ANTXRL: variants seen among roughly 807,000 people sequenced by gnomAD.
ANTXRL encodes ANTXR like, also known as anthrax toxin receptor-like.
ANTXRL carries 63 observed loss-of-function variants against 75.4 expected under a neutral mutation model. The ratio of observed to expected loss-of-function variants is 0.84; its 90% CI spans 0.68 to 1.03. The LOEUF is 1.03. Ranked by LOEUF, ANTXRL falls within the 50% of genes least tolerant of loss-of-function variation. ANTXRL has a pLI of 0.00. For synonymous variants in ANTXRL, 335 were observed against 291.3 expected (o/e 1.15, Z -1.53); for missense variants, 797 against 789.4 (o/e 1.01, Z -0.12).
At chr10:46,315,828 T>C (rs1257602221) in intron 16 of ANTXRL, among the ~76,000 whole-genome samples, 4 of 152,204 alleles carry the variant, frequency 2.6e-5, no homozygotes, top group African/African-American at 9.7e-5. Context: ...CAAGGCTCAG[T>C]TTACCAAAAA....
chr10:46,301,788 A>T (rs1270030107), intron 9 of ANTXRL, among the ~76,000 whole-genome samples: 6 of 152,224 alleles, frequency 3.9e-5, no homozygotes, highest in African/African-American at 1.4e-4. Context: ...AAAGGCAGGA[A>T]GCAGGGTTCA....
intron 16 of ANTXRL, among the ~76,000 whole-genome samples, chr10:46,321,331 G>T (rs2132892740): frequency 6.6e-6 from 1 of 152,298 alleles, no homozygotes; most frequent in East Asian, 1.9e-4. Flanking sequence ...TGATGTCAGA[G>T]AAATCTTAAT....
In ANTXRL at chr10:46,292,050, T is replaced by A; in HGVS notation, c.249-8T>A. ...CATCTCCCTGACCCACATCTCCTTT[T>A]GTTTTAGGTCTGGCAGCGTGAACAA... On this transcript the variant is annotated splice_region_variant and splice_polypyrimidine_tract_variant and intron_variant, in intron 1 of 16. Coordinates refer to ENST00000620264, the MANE Select transcript of ANTXRL (RefSeq NM_001278688.3). 1 of 1,536,074 alleles carries A rather than the reference T, an allele frequency of 6.5e-7. No individual in the cohort carries two copies. The highest frequency in any genetic ancestry group is 8.7e-7 in the Non-Finnish European group (1 of 1,146,670).
At chr10:46,290,045 C>CTTTTTTTTTTTT (rs34276033) in intron 1 of ANTXRL, among the ~76,000 whole-genome samples, 2 of 119,652 alleles carry the variant, frequency 1.7e-5, no homozygotes, top group African/African-American at 3.2e-5. Flanking sequence ...TTTTCTTTAT[C>CTTTTTTTTTTTT]TTTTTTTTTT....
chr10:46,322,282 C>A (rs1588868169), intron 16 of ANTXRL, among the ~76,000 whole-genome samples: 1 of 151,926 alleles, frequency 6.6e-6, no homozygotes, highest in African/African-American at 2.4e-5. Context: ...TATGGTGAAA[C>A]CCCATCTCCA....
chr10:46,312,074 G>GA (rs199728034), intron 15 of ANTXRL, among the ~76,000 whole-genome samples: 3,026 of 144,170 alleles, frequency 0.021, 337 homozygotes, highest in African/African-American at 0.071. Context: ...ATGCAGATCA[G>GA]AAAAAAAAAT....
At chr10:46,310,320 A>G in intron 13 of ANTXRL, 141 bp from the exon 14 acceptor site, 1 of 792,004 alleles carries the variant, frequency 1.3e-6, no homozygotes, top group Non-Finnish European at 2.1e-6. Context: ...ACAAGTTCAC[A>G]GGCTCAGGGT....
chr10:46,311,454 GGCCAGCACTGTGCCCT>G (rs1332273143), intron 14 of ANTXRL, 40 bp from the exon 15 acceptor site: 8 of 1,481,714 alleles, frequency 5.4e-6, no homozygotes, highest in Admixed American at 4.4e-5. Context: ...ATCTGGGAGT[GGCCAGCACTGTGCCCT>G]GCCAGCACTG....
chr10:46,298,351 G>T (rs1247238567), intron 9 of ANTXRL, among the ~76,000 whole-genome samples: 1 of 151,718 alleles, frequency 6.6e-6, no homozygotes, highest in Non-Finnish European at 1.5e-5. Context: ...GTGGAAATGT[G>T]TGTGAGATTG....
At chr10:46,287,653 T>G in intron 1 of ANTXRL, 143 bp downstream of exon 1, 1 of 1,135,412 alleles carries the variant, frequency 8.8e-7, no homozygotes, top group Non-Finnish European at 1.2e-6. Context: ...GACCTAGGCC[T>G]CCTGTTTTTC....
intron 16 of ANTXRL, among the ~76,000 whole-genome samples, chr10:46,328,279 T>C (rs1287690878): frequency 3.3e-5 from 5 of 152,148 alleles, no homozygotes; most frequent in Non-Finnish European, 7.3e-5. Flanking sequence ...GGACAGCCTA[T>C]ACAAATTGAG....
chr10:46,288,606 G>T (rs1389787689), intron 1 of ANTXRL, among the ~76,000 whole-genome samples: 1 of 152,146 alleles, frequency 6.6e-6, no homozygotes, highest in Admixed American at 6.5e-5. Flanking sequence ...TAGCCACATA[G>T]TCTTGGGCAA....
intron 16 of ANTXRL, among the ~76,000 whole-genome samples, chr10:46,322,803 A>T (rs1296369424): frequency 6.6e-6 from 1 of 152,208 alleles, no homozygotes; most frequent in East Asian, 1.9e-4. Flanking sequence ...TGAGTAGGTC[A>T]TCATGAGAGA....
intron 16 of ANTXRL, among the ~76,000 whole-genome samples, chr10:46,314,759 G>C (rs1278957440): frequency 2.0e-5 from 3 of 152,116 alleles, no homozygotes; most frequent in African/African-American, 7.2e-5. Flanking sequence ...GAAAAGGAGA[G>C]ACAATCCCTG....
chr10:46,288,567 A>G (rs1454385291), intron 1 of ANTXRL, among the ~76,000 whole-genome samples: 1 of 152,178 alleles, frequency 6.6e-6, no homozygotes, highest in Non-Finnish European at 1.5e-5. Context: ...GGAGCAACTC[A>G]GTTCTGGAGA....
intron 16 of ANTXRL, among the ~76,000 whole-genome samples, chr10:46,327,518 G>A (rs1206407441): frequency 6.6e-6 from 1 of 152,108 alleles, no homozygotes; most frequent in Non-Finnish European, 1.5e-5. Flanking sequence ...GGGGGCACAA[G>A]GGGAAAGTCA....
In ANTXRL at chr10:46,329,811, G is replaced by T. The variant is rs1429955523; in HGVS notation, c.1623G>T (p.Arg541Ser). 1 of 1,532,414 alleles carries T rather than the reference G, an allele frequency of 6.5e-7. No individual in the cohort carries two copies. Among genetic ancestry groups the T allele is most frequent in the East Asian group, 2.5e-5 (1 of 40,624 alleles). The allele number at this position is 1,532,414 out of a possible 1,614,324, so 94.9% of individuals were successfully genotyped here. ...GCCTGAGACACAGCCAACACAGCAG[G>T]GAGTGCCTTGCCCGCAAACAGGCTC... is the stretch of plus-strand genomic sequence containing the variant. ...NICLRHSQHS[R>S]ECLARKQAPC... The change falls in exon 17 of 17, where the codon AGG becomes AGT. Residue 541 changes from arginine (R) to serine (S), a missense_variant. By Grantham distance (110) the Arg-to-Ser change is moderately radical (BLOSUM62 -1). Around this residue, in one of 3 missense-constraint regions of ANTXRL, gnomAD observed 479 missense variants for 422.0 expected, o/e 1.14. Coordinates refer to ENST00000620264, the MANE Select transcript of ANTXRL (RefSeq NM_001278688.3).
intron 12 of ANTXRL, 75 bp from the exon 13 acceptor site, chr10:46,309,038 C>T: frequency 2.6e-6 from 4 of 1,529,326 alleles, no homozygotes; most frequent in Non-Finnish European, 3.5e-6. Flanking sequence ...GAGGAGTGGG[C>T]AGATGGGCCA....
intron 14 of ANTXRL, 48 bp from the exon 15 acceptor site, chr10:46,311,462 C>T: frequency 6.7e-7 from 1 of 1,493,504 alleles, no homozygotes; most frequent in Non-Finnish European, 8.9e-7. Flanking sequence ...GTGGCCAGCA[C>T]TGTGCCCTGC....
Sources: allele counts gnomAD v4.1 joint callset (sites outside exome capture counted in the v4.1 genomes callset), GRCh38; gene constraint gnomAD v4.1.1; regional missense constraint gnomAD v4.1.1; transcripts MANE v1.5; gene names NCBI Gene and HGNC (gene_info 2026-07-23, HGNC 2026-07-21).